DIP2C: variants seen among roughly 807,000 people sequenced by gnomAD.
DIP2C encodes disco-interacting protein 2 homolog C.
A neutral mutation model predicts 192.4 loss-of-function variants in DIP2C; 33 were observed. That is an observed-to-expected ratio of 0.17 (90% confidence interval 0.13 to 0.23). The LOEUF is 0.23. Ranked by LOEUF, DIP2C falls within the 10% of genes least tolerant of loss-of-function variation. The probability of loss-of-function intolerance (pLI) is 1.00; values close to 1 mark genes in which losing one functional copy is unlikely to be tolerated. For synonymous variants in DIP2C, 979 were observed against 864.1 expected (o/e 1.13, Z -2.33); for missense variants, 1,537 against 2,110.1 (o/e 0.73, Z 5.32).
intron 3 of DIP2C, among the ~76,000 whole-genome samples, chr10:467,135 A>C (rs1319187247): frequency 2.6e-5 from 4 of 152,094 alleles, no homozygotes; most frequent in African/African-American, 9.7e-5. Flanking sequence ...AACCAACCCA[A>C]ATGTCCAACA....
chr10:528,140 G>T (rs371502729), intron 1 of DIP2C, among the ~76,000 whole-genome samples: 15 of 152,252 alleles, frequency 9.9e-5, no homozygotes, highest in African/African-American at 3.4e-4. Context: ...GGGTTTGCGA[G>T]AGAGAAAACC....
chr10:414,961 C>G (rs112931781), intron 7 of DIP2C, among the ~76,000 whole-genome samples: 3,116 of 143,792 alleles, frequency 0.022, 151 homozygotes, highest in African/African-American at 0.077. Flanking sequence ...AGGCTGGTCT[C>G]GAACTCCCAG....
chr10:278,245 G>A (rs1954623681), intron 36 of DIP2C, among the ~76,000 whole-genome samples: 1 of 152,256 alleles, frequency 6.6e-6, no homozygotes, highest in South Asian at 2.1e-4. Flanking sequence ...CTGCTGCTGA[G>A]GGCCGTGCGT....
At chr10:519,486 A>T (rs1396052193) in intron 1 of DIP2C, among the ~76,000 whole-genome samples, 4 of 151,802 alleles carry the variant, frequency 2.6e-5, no homozygotes, top group African/African-American at 9.7e-5. Flanking sequence ...CAGGACCCCC[A>T]CCTCCCCTCC....
At chr10:578,742 T>C (rs908746434) in intron 1 of DIP2C, among the ~76,000 whole-genome samples, 9 of 152,180 alleles carry the variant, frequency 5.9e-5, no homozygotes, top group African/African-American at 1.9e-4. Context: ...GTAACATGTG[T>C]ACATGCATAG....
At chr10:405,149 C>CAAG (rs1408228179) in intron 9 of DIP2C, among the ~76,000 whole-genome samples, 1 of 152,242 alleles carries the variant, frequency 6.6e-6, no homozygotes, top group African/African-American at 2.4e-5. Flanking sequence ...GCAGAGTCTT[C>CAAG]ACCAAGGGCA....
rs562615315 is a variant in DIP2C at position 652,220 on chromosome 10, T to C, written c.85+37274A>G. 34 of 175,762 alleles carry C rather than the reference T, an allele frequency of 1.9e-4. No homozygotes were observed. Among genetic ancestry groups the C allele is most frequent in the Admixed American group, 1.8e-3 (27 of 15,390 alleles). 10.9% of individuals were successfully genotyped at this position (175,762 alleles called of 1,614,324 possible). A position where few individuals can be genotyped will look rare whatever the true frequency, so the allele number is the denominator to read the frequency against. Reference sequence around the variant, plus strand: ...GCGTTTTTCCTGCAAGTGGGCGCACTGCGTATCCCCTGCGGGAAAGACCAC... The same window carrying C: ...GCGTTTTTCCTGCAAGTGGGCGCACCGCGTATCCCCTGCGGGAAAGACCAC... On this transcript the variant is annotated intron_variant, in intron 1 of 36. Coordinates refer to ENST00000280886, the MANE Select transcript of DIP2C (RefSeq NM_014974.3). The surrounding 1 kb of genome is among the most constrained non-coding windows in gnomAD (Gnocchi z 4.5).
chr10:499,362 T>C (rs1336037046), intron 1 of DIP2C, among the ~76,000 whole-genome samples: 3 of 152,230 alleles, frequency 2.0e-5, no homozygotes, highest in Admixed American at 6.5e-5. Flanking sequence ...CAGTCTGTTT[T>C]CACGCTGCTA....
chr10:393,084 G>A (rs1564654446), intron 10 of DIP2C, among the ~76,000 whole-genome samples: 1 of 152,188 alleles, frequency 6.6e-6, no homozygotes, highest in Non-Finnish European at 1.5e-5. Context: ...TCTGTCCTTG[G>A]AAAGGTGGCG....
At chr10:282,807 G>C (rs555462809) in intron 35 of DIP2C, among the ~76,000 whole-genome samples, 4 of 152,248 alleles carry the variant, frequency 2.6e-5, no homozygotes, top group Non-Finnish European at 5.9e-5. Flanking sequence ...ACCAGGGCCC[G>C]AGAGCCTCGC....
In DIP2C at chr10:629,101, G is replaced by A. The variant is rs967388803; in HGVS notation, c.85+60393C>T. Among the ~76,000 whole-genome samples the A allele has an allele frequency of 7.9e-5, 12 of 152,320 alleles. 1 individual carries two copies. In the Middle Eastern group the frequency reaches 0.014, roughly 173 times the overall value. On this transcript the variant is annotated intron_variant, in intron 1 of 36. Coordinates refer to ENST00000280886, the MANE Select transcript of DIP2C (RefSeq NM_014974.3). ...GAGGCCAGTGGGGCACTCGCTGTCTGGGTCTAAGAAAAAGAAAATAAAGGC... is the reference window on the plus strand; with the variant it reads ...GAGGCCAGTGGGGCACTCGCTGTCTAGGTCTAAGAAAAAGAAAATAAAGGC...
rs1315605283 is a variant in DIP2C, at chr10:390,871, G to A, written c.1261-8C>T. The A allele has an allele frequency of 1.4e-5, 22 of 1,613,600 alleles. No individual in the cohort carries two copies. Among genetic ancestry groups the A allele is most frequent in the Non-Finnish European group, 1.8e-5 (21 of 1,179,804 alleles). ...CTGCTGGCTCCCTGCGTCCTGAGAG[G>A]GCAACAGAGAGGAGTTGAGAATCCA... On this transcript the variant is annotated splice_polypyrimidine_tract_variant and splice_region_variant and intron_variant, in intron 10 of 36. Transcript: ENST00000280886.
intron 1 of DIP2C, among the ~76,000 whole-genome samples, chr10:633,377 G>T (rs981026523): frequency 1.3e-5 from 2 of 152,170 alleles, no homozygotes; most frequent in African/African-American, 2.4e-5. Flanking sequence ...CAGACGGGGG[G>T]AGTCCGAGGC....
At chr10:670,121 C>T (rs1440148835) in intron 1 of DIP2C, among the ~76,000 whole-genome samples, 1 of 152,086 alleles carries the variant, frequency 6.6e-6, no homozygotes, top group Admixed American at 6.5e-5. Flanking sequence ...TACATATGCT[C>T]ATACATGTAC....
At chr10:450,401 G>C (rs1968760973) in intron 3 of DIP2C, among the ~76,000 whole-genome samples, 1 of 152,172 alleles carries the variant, frequency 6.6e-6, no homozygotes, top group Non-Finnish European at 1.5e-5. Flanking sequence ...AATTACAATG[G>C]CTCAACTGTA....
At chr10:609,902 C>A (rs567728487) in intron 1 of DIP2C, among the ~76,000 whole-genome samples, 1 of 152,246 alleles carries the variant, frequency 6.6e-6, no homozygotes, top group Admixed American at 6.5e-5. Context: ...CCCTTCCCAG[C>A]GGTTCTTCCT....
chr10:305,078 T>C (rs1271077947), intron 32 of DIP2C, among the ~76,000 whole-genome samples: 2 of 152,146 alleles, frequency 1.3e-5, no homozygotes, highest in East Asian at 1.9e-4. Flanking sequence ...TGCACATGCA[T>C]GTGCAGTTGA....
intron 1 of DIP2C, among the ~76,000 whole-genome samples, chr10:529,175 G>T (rs113243509): frequency 6.6e-6 from 1 of 152,202 alleles, no homozygotes; most frequent in African/African-American, 2.4e-5. Context: ...TCATAGATGG[G>T]AACTGGGACA....
intron 3 of DIP2C, among the ~76,000 whole-genome samples, chr10:467,350 G>A (rs1221030372): frequency 7.4e-6 from 1 of 134,948 alleles, no homozygotes; most frequent in Non-Finnish European, 1.5e-5. Context: ...ATGGACACAG[G>A]AAGGGGAATA....
Sources: gnomAD v4.1 joint callset for allele counts (sites outside exome capture counted in the v4.1 genomes callset) on GRCh38, gnomAD v4.1.1 for gene constraint, Gnocchi (gnomAD v3.1) non-coding constraint, MANE v1.5 for transcripts, NCBI Gene and HGNC (gene_info 2026-07-23, HGNC 2026-07-21) for gene names.